PXK: variants seen among roughly 807,000 people sequenced by gnomAD.
PXK encodes PX domain containing serine/threonine kinase like.
In PXK, 35 loss-of-function variants were observed where a neutral mutation model predicts 84.7. That is an observed-to-expected ratio of 0.41 (90% confidence interval 0.32 to 0.55). The LOEUF (loss-of-function observed/expected upper bound fraction) is 0.55. Ranked by LOEUF, PXK falls within the 20% of genes least tolerant of loss-of-function variation. The pLI, the probability that PXK is intolerant of heterozygous loss-of-function variation, is 0.21. For synonymous variants in PXK, 253 were observed against 260.8 expected, an observed-to-expected ratio of 0.97 and a Z score of 0.29; for missense variants, 634 against 699.7, an observed-to-expected ratio of 0.91 and a Z score of 1.06.
At chr3:58,360,688 C>T (rs1416898526) in intron 1 of PXK, among the ~76,000 whole-genome samples, 4 of 151,738 alleles carry the variant, frequency 2.6e-5, no homozygotes, top group African/African-American at 9.7e-5. Context: ...AAAAATTAGC[C>T]GAGGGTGGTG....
At chr3:58,369,651 C>T (rs1056124902) in intron 3 of PXK, among the ~76,000 whole-genome samples, 173 bp downstream of exon 3, 1 of 151,902 alleles carries the variant, frequency 6.6e-6, no homozygotes, top group South Asian at 2.1e-4. Context: ...ATGGAGAAAC[C>T]CCATCTCTAC....
chr3:58,363,651 A>G (rs900523174), intron 1 of PXK, among the ~76,000 whole-genome samples: 2 of 152,152 alleles, frequency 1.3e-5, no homozygotes, highest in Non-Finnish European at 2.9e-5. Context: ...GTTTTTTTGT[A>G]GATCCCTTGG....
chr3:58,399,450 T>G lies in PXK; in HGVS notation c.1181+73T>G. 1 of 1,463,430 alleles carries G rather than the reference T, an allele frequency of 6.8e-7. No homozygotes were observed. Among genetic ancestry groups the G allele is most frequent in the Admixed American group, 1.8e-5 (1 of 55,714 alleles). 90.7% of individuals were successfully genotyped at this position (1,463,430 alleles called of 1,614,324 possible). On this transcript the variant is annotated intron_variant, in intron 12 of 17. Transcript: ENST00000356151. This position sits in a 1 kb window ranked among gnomAD's most constrained non-coding sequence, Gnocchi z 4.3. ...CACCAGACCACTGTGTCCAAGCACC[T>G]GGTACTGTAGTAAAGATTCTTGCGG...
At chr3:58,358,442 C>T (rs2098127260) in intron 1 of PXK, among the ~76,000 whole-genome samples, 1 of 152,180 alleles carries the variant, frequency 6.6e-6, no homozygotes, top group African/African-American at 2.4e-5. Context: ...GGTAGACATG[C>T]ACATGCTACA....
chr3:58,361,628 T>A (rs956021338), intron 1 of PXK, among the ~76,000 whole-genome samples: 1 of 152,196 alleles, frequency 6.6e-6, no homozygotes, highest in Non-Finnish European at 1.5e-5. Context: ...TGCTTTTTTT[T>A]CCACTCAGCA....
At position 58,424,768 on chromosome 3, in the gene PXK, T is replaced by C; in HGVS notation, c.1545T>C (p.Pro515=). 1 of 1,613,678 alleles carries C rather than the reference T, an allele frequency of 6.2e-7. No homozygotes were observed. The highest frequency in any genetic ancestry group is 8.5e-7 in the Non-Finnish European group (1 of 1,179,858). ...CCTCCACAGGGATATCTGCATTACC[T>C]CCACCTCCTCCACCTCCACCACCAC... ...PPSTSGISAL[P]PPPPPPPPPA... is the part of the protein sequence containing the mutation. Residue 515 remains proline, a synonymous_variant, in exon 18 of 18, where the codon CCT becomes CCC. Coordinates refer to ENST00000356151, the MANE Select transcript of PXK (RefSeq NM_017771.5).
intron 1 of PXK, among the ~76,000 whole-genome samples, chr3:58,357,651 T>C (rs2098114132): frequency 6.6e-6 from 1 of 152,164 alleles, no homozygotes; most frequent in Non-Finnish European, 1.5e-5. Context: ...CATTATAATC[T>C]TATTAGACCT....
intron 1 of PXK, among the ~76,000 whole-genome samples, chr3:58,356,835 C>G (rs1472263034): frequency 6.6e-6 from 1 of 151,212 alleles, no homozygotes; most frequent in Admixed American, 6.6e-5. Flanking sequence ...AACGCCTGAC[C>G]TTGTGATCCA....
intron 7 of PXK, among the ~76,000 whole-genome samples, chr3:58,392,998 A>C (rs537379034): frequency 2.0e-5 from 3 of 152,150 alleles, no homozygotes; most frequent in South Asian, 2.1e-4. Context: ...TTAAAAAAAG[A>C]AGCACATAAA....
At chr3:58,356,473 C>T (rs1327776489) in intron 1 of PXK, among the ~76,000 whole-genome samples, 1 of 151,216 alleles carries the variant, frequency 6.6e-6, no homozygotes, top group Non-Finnish European at 1.5e-5. Context: ...TGGAGGATCC[C>T]AGGCTGCTGA....
Position 58,386,659 on chromosome 3 carries a change from C to A in PXK, c.389-3923C>A, listed in dbSNP as rs541201082. On this transcript the variant is annotated intron_variant, in intron 4 of 17. Transcript: ENST00000356151. ...AAAAGCCTCACTGCACTGTAGCCAT[C>A]TTCCTGCCTCAGTCCTTATACCCTC... Among the ~76,000 whole-genome samples, 92 of 152,256 alleles carry A rather than the reference C, an allele frequency of 6.0e-4. 1 individual carries two copies. The South Asian group carries it at 0.018, about 31-fold the overall frequency.
chr3:58,389,851 T>C (rs1330807804), intron 4 of PXK, among the ~76,000 whole-genome samples: 2 of 151,386 alleles, frequency 1.3e-5, no homozygotes, highest in Admixed American at 6.6e-5. Flanking sequence ...AATACAAAAT[T>C]AGCTGGGCAT....
At chr3:58,395,545 C>T in intron 8 of PXK, 113 bp from the exon 9 acceptor site, 2 of 739,238 alleles carry the variant, frequency 2.7e-6, no homozygotes, top group Admixed American at 2.5e-5. Context: ...CATCTTGCAG[C>T]TGGCCATCTC....
chr3:58,391,896 G>C, intron 7 of PXK, 49 bp downstream of exon 7: 1 of 1,517,330 alleles, frequency 6.6e-7, no homozygotes, highest in Non-Finnish European at 9.1e-7. Context: ...TAGAGTCACA[G>C]TATTTTTTCT....
intron 3 of PXK, among the ~76,000 whole-genome samples, chr3:58,377,837 A>T (rs529231821): frequency 5.8e-4 from 88 of 152,328 alleles, no homozygotes; most frequent in Middle Eastern, 3.4e-3. Flanking sequence ...CTAACTGATT[A>T]AGCAAATGTA....
At chr3:58,378,926 G>T (rs112452282) in intron 3 of PXK, among the ~76,000 whole-genome samples, 10,594 of 151,548 alleles carry the variant, frequency 0.07, 668 homozygotes, top group African/African-American at 0.16. Context: ...ATTATTATTA[G>T]TAGTAGTAGT....
At chr3:58,375,827 C>T (rs984863432) in intron 3 of PXK, among the ~76,000 whole-genome samples, 2 of 152,136 alleles carry the variant, frequency 1.3e-5, no homozygotes, top group Non-Finnish European at 2.9e-5. Flanking sequence ...CAAAATCTCA[C>T]CAATGCTAAG....
At chr3:58,395,612 T>C (rs2057533781) in intron 8 of PXK, 46 bp from the exon 9 acceptor site, 4 of 1,427,964 alleles carry the variant, frequency 2.8e-6, no homozygotes, top group East Asian at 2.3e-5. Flanking sequence ...GTGCAGATAT[T>C]GGCCCCTCTG....
At chr3:58,423,562 C>T in intron 17 of PXK, 11 of 1,519,512 alleles carry the variant, frequency 7.2e-6, no homozygotes, top group Non-Finnish European at 8.8e-6. Flanking sequence ...ATGTACTTAC[C>T]TGAGTATTGT....
Sources: gnomAD v4.1 joint callset for allele counts (sites outside exome capture counted in the v4.1 genomes callset) on GRCh38, gnomAD v4.1.1 for gene constraint, Gnocchi (gnomAD v3.1) non-coding constraint, MANE v1.5 for transcripts, NCBI Gene and HGNC (gene_info 2026-07-23, HGNC 2026-07-21) for gene names.